TMEM120B: variants seen among roughly 807,000 people sequenced by gnomAD.
The protein encoded by TMEM120B is transmembrane protein 120B.
In TMEM120B, 31 loss-of-function variants were observed where a neutral mutation model predicts 55.5. That is an observed-to-expected ratio of 0.56 (90% CI 0.42 to 0.75). The LOEUF (loss-of-function observed/expected upper bound fraction) is 0.75. Among genes scored for constraint, TMEM120B ranks in the 30% least tolerant of loss-of-function variants. The probability of loss-of-function intolerance (pLI) is 0.00; values close to 1 mark genes in which losing one functional copy is unlikely to be tolerated. For synonymous variants in TMEM120B, 203 were observed against 176.3 expected, an observed-to-expected ratio of 1.15 and a Z score of -1.20; for missense variants, 399 against 425.5, an observed-to-expected ratio of 0.94 and a Z score of 0.55.
chr12:121,734,626 T>C (rs1051699999), intron 1 of TMEM120B, among the ~76,000 whole-genome samples: 1 of 151,860 alleles, frequency 6.6e-6, no homozygotes, highest in Non-Finnish European at 1.5e-5. Flanking sequence ...TTTTAAAAAA[T>C]GGACAGGCTG....
At position 121,776,144 on chromosome 12, in the gene TMEM120B, C is replaced by T; in HGVS notation, c.*422C>T. On this transcript the variant is annotated 3_prime_UTR_variant, in exon 12 of 12. Coordinates refer to ENST00000449592, the MANE Select transcript of TMEM120B (RefSeq NM_001080825.2). ...AGGCCCAGGCTGGGGTGGTGTGAAC[C>T]CTCAGTGTCCTGTGGCGCCCCCACC... 2.4e-6 allele frequency: 1 copy of T among 409,964 alleles called. No individual in the cohort carries two copies. The highest frequency in any genetic ancestry group is 4.3e-6 in the Non-Finnish European group (1 of 231,346). The allele number at this position is 409,964 out of a possible 1,614,324, so 25.4% of individuals were successfully genotyped here. A position where few individuals can be genotyped will look rare whatever the true frequency, so the allele number is the denominator to read the frequency against.
At position 121,775,445 on chromosome 12, in the gene TMEM120B, G is replaced by A. The variant is rs569442734; in HGVS notation, c.907-164G>A. On this transcript the variant is annotated intron_variant, in intron 11 of 11. Transcript: ENST00000449592. The surrounding 1 kb of genome is among the most constrained non-coding windows in gnomAD (Gnocchi z 4.3). ...CCCTTCCCAGGCCCTGCCCAAGCCT[G>A]AGGCCTCACCCTTCCCCCAGGTCTC... is the stretch of plus-strand genomic sequence containing the variant. The A allele has an allele frequency of 6.5e-5, 64 of 984,892 alleles. No individual in the cohort carries two copies. In the African/African-American group the frequency reaches 1.1e-3, roughly 17 times the overall value. The allele number at this position is 984,892 out of a possible 1,614,324, so 61.0% of individuals were successfully genotyped here.
chr12:121,725,526 C>T (rs1264731799), intron 1 of TMEM120B, among the ~76,000 whole-genome samples: 1 of 152,148 alleles, frequency 6.6e-6, no homozygotes, highest in East Asian at 1.9e-4. Flanking sequence ...ACTTACATGA[C>T]ATCGGATCTT....
At chr12:121,772,079 T>G (rs1484257520) in intron 8 of TMEM120B, among the ~76,000 whole-genome samples, 1 of 140,406 alleles carries the variant, frequency 7.1e-6, no homozygotes, top group Non-Finnish European at 1.5e-5. Flanking sequence ...TTTTCTTTCT[T>G]TCTCTTTCTC....
chr12:121,726,174 C>T (rs972869661), intron 1 of TMEM120B, among the ~76,000 whole-genome samples: 2 of 151,990 alleles, frequency 1.3e-5, no homozygotes, highest in South Asian at 2.1e-4. Flanking sequence ...GGTTCTAACA[C>T]GAGATGTGGT....
chr12:121,766,999 C>T (rs1314091460), intron 6 of TMEM120B, among the ~76,000 whole-genome samples: 2 of 152,178 alleles, frequency 1.3e-5, no homozygotes, highest in Non-Finnish European at 2.9e-5. Context: ...GCACATATCT[C>T]CTGCACACTC....
chr12:121,723,896 GCTCAAGTGATCCTCCTGT>G (rs1260470134), intron 1 of TMEM120B, among the ~76,000 whole-genome samples: 1 of 151,976 alleles, frequency 6.6e-6, no homozygotes, highest in Non-Finnish European at 1.5e-5. Context: ...TCACCTCCTG[GCTCAAGTGATCCTCCTGT>G]CTCAGTCTCG....
intron 1 of TMEM120B, among the ~76,000 whole-genome samples, chr12:121,721,500 T>TGAAA (rs1566505577): frequency 6.7e-5 from 10 of 150,100 alleles, no homozygotes; most frequent in African/African-American, 1.5e-4. Context: ...ACCAAGAGTT[T>TGAAA]CACTCTTGTT....
rs765736449 is a variant in TMEM120B at position 121,743,625 on chromosome 12, T to G, written c.70-4T>G. The G allele has an allele frequency of 6.2e-7, 1 of 1,612,036 alleles. No homozygotes were observed. The highest frequency in any genetic ancestry group is 8.5e-7 in the Non-Finnish European group (1 of 1,178,898). On this transcript the variant is annotated splice_region_variant and splice_polypyrimidine_tract_variant and intron_variant, in intron 1 of 11. Coordinates refer to ENST00000449592, the MANE Select transcript of TMEM120B (RefSeq NM_001080825.2). Reference sequence around the variant, plus strand: ...CACCCTCCCCCGGGTCCCCTGTTCTTCAGGAGACGCACAGGATCTACAAGC... The same window carrying G: ...CACCCTCCCCCGGGTCCCCTGTTCTGCAGGAGACGCACAGGATCTACAAGC...
chr12:121,781,314 A>C lies in TMEM120B; in HGVS notation c.*5592A>C. 3.1e-5 allele frequency: 24 copies of C among 779,802 alleles called. No individual in the cohort carries two copies. Among genetic ancestry groups the C allele is most frequent in the East Asian group, 8.2e-5 (3 of 36,540 alleles). The allele number at this position is 779,802 out of a possible 1,614,324, so 48.3% of individuals were successfully genotyped here. A position where few individuals can be genotyped will look rare whatever the true frequency, so the allele number is the denominator to read the frequency against. On this transcript the variant is annotated 3_prime_UTR_variant, in exon 12 of 12. Coordinates refer to ENST00000449592, the MANE Select transcript of TMEM120B (RefSeq NM_001080825.2). ...GGGCCTCAATTTCCTCATCTATACA[A>C]TGGGCAGCAAGCCAGGAGTGCTGGC...
rs1240900393 is a variant in TMEM120B at position 121,775,952 on chromosome 12, G to A, written c.*230G>A. ...GTCCCCCATCGTCCCTGGAACCCGAGGCCTCACTCCTGTGCTTGAAGGTGG... is the reference window on the plus strand; with the variant it reads ...GTCCCCCATCGTCCCTGGAACCCGAAGCCTCACTCCTGTGCTTGAAGGTGG... On this transcript the variant is annotated 3_prime_UTR_variant, in exon 12 of 12. Coordinates refer to ENST00000449592, the MANE Select transcript of TMEM120B (RefSeq NM_001080825.2). The surrounding 1 kb of genome is among the most constrained non-coding windows in gnomAD (Gnocchi z 4.3). The A allele has an allele frequency of 1.6e-6, 1 of 609,994 alleles. No individual in the cohort carries two copies. The highest frequency in any genetic ancestry group is 2.8e-5 in the East Asian group (1 of 36,262). The allele number at this position is 609,994 out of a possible 1,614,324, so 37.8% of individuals were successfully genotyped here.
At position 121,779,876 on chromosome 12, in the gene TMEM120B, G is replaced by C; in HGVS notation, c.*4154G>C. On this transcript the variant is annotated 3_prime_UTR_variant, in exon 12 of 12. Transcript: ENST00000449592. ...CGCAGGTTGGAAGAAGCCCTGTCCA[G>C]GCCCCCACCCTGGCCTCTCTCCAGC... is the stretch of plus-strand genomic sequence containing the variant. 1 of 568,538 alleles carries C rather than the reference G, an allele frequency of 1.8e-6. No individual in the cohort carries two copies. The highest frequency in any genetic ancestry group is 3.1e-6 in the Non-Finnish European group (1 of 320,212). The allele number at this position is 568,538 out of a possible 1,614,324, so 35.2% of individuals were successfully genotyped here.
intron 2 of TMEM120B, among the ~76,000 whole-genome samples, chr12:121,746,076 G>T (rs1245476467): frequency 6.6e-6 from 1 of 151,854 alleles, no homozygotes; most frequent in African/African-American, 2.4e-5. Context: ...GGCCAGGCTG[G>T]TCTCGAACTC....
At chr12:121,737,872 T>A (rs1872800642) in intron 1 of TMEM120B, among the ~76,000 whole-genome samples, 1 of 151,842 alleles carries the variant, frequency 6.6e-6, no homozygotes, top group South Asian at 2.1e-4. Flanking sequence ...TAGTTGGACA[T>A]GGTGGTGCAC....
At chr12:121,752,417 T>G (rs1343472609) in intron 5 of TMEM120B, among the ~76,000 whole-genome samples, 194 bp downstream of exon 5, 1 of 152,152 alleles carries the variant, frequency 6.6e-6, no homozygotes, top group African/African-American at 2.4e-5. Context: ...AACAAGTATC[T>G]GTTAAACGGC....
At chr12:121,731,358 T>G (rs191993597) in intron 1 of TMEM120B, among the ~76,000 whole-genome samples, 1 of 152,232 alleles carries the variant, frequency 6.6e-6, no homozygotes, top group East Asian at 1.9e-4. Flanking sequence ...CTCAAGTGAT[T>G]CTCCTGCCTC....
intron 5 of TMEM120B, among the ~76,000 whole-genome samples, chr12:121,760,464 GTGGCCTGCGAGC>G (rs1354300076): frequency 2.0e-5 from 3 of 152,218 alleles, no homozygotes; most frequent in African/African-American, 7.2e-5. Flanking sequence ...TGCATGCGCA[GTGGCCTGCGAGC>G]TGGGAGGGGC....
At chr12:121,719,698 A>C (rs184268401) in intron 1 of TMEM120B, among the ~76,000 whole-genome samples, 1 of 151,906 alleles carries the variant, frequency 6.6e-6, no homozygotes, top group Admixed American at 6.6e-5. Flanking sequence ...GCCACACTGC[A>C]TTCTTTTTTT....
At position 121,780,575 on chromosome 12, in the gene TMEM120B, C is replaced by T. The variant is rs1592955043; in HGVS notation, c.*4853C>T. On this transcript the variant is annotated 3_prime_UTR_variant, in exon 12 of 12. Coordinates refer to ENST00000449592, the MANE Select transcript of TMEM120B (RefSeq NM_001080825.2). ...CAGTGGATGGGACCAGATCCTGGCTCCACTTCTCGCTAGCTGTGTGGCCCT... is the reference window on the plus strand; with the variant it reads ...CAGTGGATGGGACCAGATCCTGGCTTCACTTCTCGCTAGCTGTGTGGCCCT... 1.9e-6 allele frequency: 1 copy of T among 514,598 alleles called. No individual in the cohort carries two copies. The highest frequency in any genetic ancestry group is 3.1e-5 in the East Asian group (1 of 32,092). The allele number at this position is 514,598 out of a possible 1,614,324, so 31.9% of individuals were successfully genotyped here. A position where few individuals can be genotyped will look rare whatever the true frequency, so the allele number is the denominator to read the frequency against.
Sources: allele counts gnomAD v4.1 joint callset (sites outside exome capture counted in the v4.1 genomes callset), GRCh38; gene constraint gnomAD v4.1.1; non-coding constraint Gnocchi (gnomAD v3.1); transcripts MANE v1.5; gene names NCBI Gene and HGNC (gene_info 2026-07-23, HGNC 2026-07-21).